EXOC4: variants seen among roughly 807,000 people sequenced by gnomAD.
EXOC4 encodes the protein exocyst complex component 4, also known as SEC8-like 1.
EXOC4 carries 71 observed loss-of-function variants against 107.2 expected under a neutral mutation model. That is an observed-to-expected ratio of 0.66 (90% CI 0.55 to 0.81). EXOC4 has a LOEUF of 0.81. EXOC4 is among the 30% of genes least tolerant of loss of function. EXOC4 has a pLI of 0.00. For missense variants in EXOC4, 1,108 were observed against 1,189.6 expected (o/e 0.93, Z 1.01); for synonymous variants, 456 against 441.2 (o/e 1.03, Z -0.42).
rs536611372 is a variant in EXOC4 at position 133,641,462 on chromosome 7, A to G, written c.1514+11321A>G. ...TATATAGATACACACACATACATAT[A>G]CGTACATACAAACACACACACTCAT... On this transcript the variant is annotated intron_variant, in intron 10 of 17. Transcript: ENST00000253861. Among the ~76,000 whole-genome samples the G allele has an allele frequency of 1.4e-3, 206 of 152,312 alleles. 1 individual carries two copies. Among genetic ancestry groups the G allele is most frequent in the African/African-American group, 4.6e-3 (190 of 41,564 alleles).
At chr7:133,755,260 T>TATTATATATATTATATAC (rs1562984141) in intron 10 of EXOC4, among the ~76,000 whole-genome samples, 1 of 91,110 alleles carries the variant, frequency 1.1e-5, no homozygotes, top group Non-Finnish European at 2.1e-5. Flanking sequence ...ATATTATATA[T>TATTATATATATTATATAC]ATATTATATA....
intron 14 of EXOC4, among the ~76,000 whole-genome samples, chr7:133,993,008 C>G (rs988896549): frequency 1.3e-5 from 2 of 151,876 alleles, no homozygotes; most frequent in Admixed American, 6.6e-5. Flanking sequence ...TTGAAATGAT[C>G]ATATGATTTT....
chr7:133,685,801 T>C (rs1021630409), intron 10 of EXOC4, among the ~76,000 whole-genome samples: 1 of 152,176 alleles, frequency 6.6e-6, no homozygotes, highest in Non-Finnish European at 1.5e-5. Flanking sequence ...TGCGTAGTGG[T>C]GCAGTCTGGT....
At chr7:134,018,190 G>A (rs1204793046) in intron 17 of EXOC4, among the ~76,000 whole-genome samples, 3 of 152,214 alleles carry the variant, frequency 2.0e-5, no homozygotes, top group Admixed American at 6.5e-5. Flanking sequence ...TTCTGTGACT[G>A]AAGCCCAAGA....
At chr7:133,296,609 C>CT (rs1794524673) in intron 3 of EXOC4, among the ~76,000 whole-genome samples, 1 of 151,862 alleles carries the variant, frequency 6.6e-6, no homozygotes, top group African/African-American at 2.4e-5. Flanking sequence ...GCTCAAGGCC[C>CT]TTTTTATTTA....
chr7:133,550,347 G>C (rs1270956631), intron 9 of EXOC4, among the ~76,000 whole-genome samples: 1 of 152,078 alleles, frequency 6.6e-6, no homozygotes, highest in East Asian at 1.9e-4. Context: ...ACTGTATTCT[G>C]TTGTATTAAA....
chr7:133,782,036 T>G (rs1796479307), intron 10 of EXOC4, among the ~76,000 whole-genome samples: 1 of 152,214 alleles, frequency 6.6e-6, no homozygotes, highest in Non-Finnish European at 1.5e-5. Context: ...GTGAGATGAA[T>G]ACAACCAAGT....
At chr7:133,381,950 GACTGAAACAAGA>G (rs1250196709) in intron 7 of EXOC4, among the ~76,000 whole-genome samples, 2 of 152,104 alleles carry the variant, frequency 1.3e-5, no homozygotes, top group Admixed American at 1.3e-4. Flanking sequence ...ACCTTTGATT[GACTGAAACAAGA>G]ACTCTGGGGG....
intron 10 of EXOC4, among the ~76,000 whole-genome samples, chr7:133,685,346 T>A (rs1794273719): frequency 6.6e-6 from 1 of 152,160 alleles, no homozygotes; most frequent in African/African-American, 2.4e-5. Flanking sequence ...CTTCCCCCTT[T>A]GCTCGGCACT....
In EXOC4 at chr7:134,056,887, T is replaced by A. The variant is rs146459064; in HGVS notation, c.2688-7404T>A. ...CATCATCTCAACGGTGATGGGAATGTCCTGGAGGAGTTTCTTTGTTTCAAG... is the reference window on the plus strand; with the variant it reads ...CATCATCTCAACGGTGATGGGAATGACCTGGAGGAGTTTCTTTGTTTCAAG... On this transcript the variant is annotated intron_variant, in intron 17 of 17. Coordinates refer to ENST00000253861, the MANE Select transcript of EXOC4 (RefSeq NM_021807.4). 2.3e-3 allele frequency among the ~76,000 whole-genome samples: 349 copies of A among 152,324 alleles called. 3 individuals carry two copies. Among genetic ancestry groups the A allele is most frequent in the African/African-American group, 7.6e-3 (318 of 41,584 alleles).
intron 14 of EXOC4, among the ~76,000 whole-genome samples, chr7:133,960,029 G>A (rs769843802): frequency 3.3e-5 from 5 of 152,112 alleles, no homozygotes; most frequent in Non-Finnish European, 7.3e-5. Flanking sequence ...GAGTAGTTAC[G>A]GAAAGAGAAA....
At chr7:133,644,196 A>C (rs990126887) in intron 10 of EXOC4, among the ~76,000 whole-genome samples, 5 of 152,314 alleles carry the variant, frequency 3.3e-5, no homozygotes, top group East Asian at 3.9e-4. Flanking sequence ...TAGGCTTCCT[A>C]TCAATTTCAC....
At chr7:133,436,735 G>A (rs1034186710) in intron 7 of EXOC4, among the ~76,000 whole-genome samples, 1 of 152,084 alleles carries the variant, frequency 6.6e-6, no homozygotes, top group Non-Finnish European at 1.5e-5. Flanking sequence ...TGCACTATAT[G>A]GAATGCACTG....
At chr7:134,049,112 T>C (rs1795724310) in intron 17 of EXOC4, among the ~76,000 whole-genome samples, 1 of 152,196 alleles carries the variant, frequency 6.6e-6, no homozygotes, top group African/African-American at 2.4e-5. Context: ...ACTTTGTGAG[T>C]TTCTCATAAA....
chr7:133,339,405 CT>C (rs2150622597), intron 5 of EXOC4, among the ~76,000 whole-genome samples: 2 of 152,292 alleles, frequency 1.3e-5, no homozygotes, highest in Middle Eastern at 3.4e-3. Context: ...GTTTTGGTGA[CT>C]ATGGCTTTAC....
chr7:134,007,289 A>ATT (rs536463460), intron 16 of EXOC4, among the ~76,000 whole-genome samples: 106 of 152,288 alleles, frequency 7.0e-4, no homozygotes, highest in Middle Eastern at 6.8e-3. Context: ...CAAAAGGGTC[A>ATT]TTGTATATGC....
At chr7:133,414,151 A>C (rs1315654050) in intron 7 of EXOC4, among the ~76,000 whole-genome samples, 2 of 152,202 alleles carry the variant, frequency 1.3e-5, no homozygotes, top group Non-Finnish European at 2.9e-5. Context: ...AAACAACTCA[A>C]TGGAAAATGG....
chr7:133,650,375 A>G (rs1803112522), intron 10 of EXOC4, among the ~76,000 whole-genome samples: 1 of 152,134 alleles, frequency 6.6e-6, no homozygotes. Context: ...ATGGAGCTCT[A>G]GGCTCAATTG....
At chr7:134,072,888 C>CT in the EXOC4 span, among the ~76,000 whole-genome samples, 9 of 152,194 alleles carry the variant, frequency 5.9e-5, no homozygotes, top group African/African-American at 2.2e-4. Context: ...TGCAGCCCCG[C>CT]TTACAGCGCT....
Sources: allele counts gnomAD v4.1 joint callset (sites outside exome capture counted in the v4.1 genomes callset), GRCh38; gene constraint gnomAD v4.1.1; transcripts MANE v1.5; gene names NCBI Gene and HGNC (gene_info 2026-07-23, HGNC 2026-07-21).